DCC: variants seen among roughly 807,000 people sequenced by gnomAD.
The protein encoded by DCC is netrin receptor DCC.
A neutral mutation model predicts 172.5 loss-of-function variants in DCC; 58 were observed. The ratio of observed to expected loss-of-function variants is 0.34; its 90% CI spans 0.27 to 0.42. DCC has a LOEUF of 0.42. Among genes scored for constraint, DCC ranks in the 10% least tolerant of loss-of-function variants. DCC has a pLI of 1.00. For missense variants in DCC, 1,740 were observed against 1,791.0 expected (o/e 0.97, Z 0.51); for synonymous variants, 709 against 644.5 (o/e 1.10, Z -1.52).
At chr18:53,104,884 C>T (rs2043222610) in intron 7 of DCC, among the ~76,000 whole-genome samples, 1 of 151,954 alleles carries the variant, frequency 6.6e-6, no homozygotes, top group African/African-American at 2.4e-5. Flanking sequence ...GTGCAGTCTC[C>T]TAGAGAGGTT....
At chr18:53,070,578 A>G (rs1409372033) in intron 7 of DCC, among the ~76,000 whole-genome samples, 2 of 152,136 alleles carry the variant, frequency 1.3e-5, no homozygotes, top group South Asian at 2.1e-4. Context: ...ATGTGACCAT[A>G]AAGTGTCAAG....
At chr18:52,654,103 GTTGCACCATTAAGGTACCAAA>G (rs1490048200) in intron 1 of DCC, among the ~76,000 whole-genome samples, 7 of 152,248 alleles carry the variant, frequency 4.6e-5, no homozygotes, top group African/African-American at 1.2e-4. Context: ...GTAGTACCAG[GTTGCACCATTAAGGTACCAAA>G]TTCCTCACAT....
In DCC at chr18:53,459,219, C is replaced by A. The variant is rs760737456; in HGVS notation, c.3393-13C>A. 1.2e-6 allele frequency: 2 copies of A among 1,609,160 alleles called. No homozygotes were observed. Among genetic ancestry groups the A allele is most frequent in the South Asian group, 1.1e-5 (1 of 90,986 alleles). ...AGAGGTTCTCACATTTGCCTTCTAA[C>A]TTTGTTCCATAGGAAACGGGCCACC... On this transcript the variant is annotated splice_polypyrimidine_tract_variant and intron_variant, in intron 23 of 28. Coordinates refer to ENST00000442544, the MANE Select transcript of DCC (RefSeq NM_005215.4).
At chr18:53,201,288 A>G (rs969170895) in intron 9 of DCC, among the ~76,000 whole-genome samples, 3 of 152,186 alleles carry the variant, frequency 2.0e-5, no homozygotes, top group African/African-American at 4.8e-5. Flanking sequence ...AGATTGAGCC[A>G]TGTTCACAAC....
At chr18:52,677,087 C>T (rs896451892) in intron 1 of DCC, among the ~76,000 whole-genome samples, 6 of 152,136 alleles carry the variant, frequency 3.9e-5, no homozygotes, top group Non-Finnish European at 8.8e-5. Context: ...CAAATACATT[C>T]AGCCAACATT....
chr18:53,164,697 G>A (rs1383101280), intron 8 of DCC, among the ~76,000 whole-genome samples: 2 of 152,120 alleles, frequency 1.3e-5, no homozygotes, highest in Non-Finnish European at 2.9e-5. Context: ...TTGCTCTTTG[G>A]TGCACCCACA....
chr18:52,357,316 A>G (rs1442216894), intron 1 of DCC, among the ~76,000 whole-genome samples: 1 of 152,198 alleles, frequency 6.6e-6, no homozygotes, highest in Admixed American at 6.5e-5. Flanking sequence ...TTGGAGTGCC[A>G]GAAAGGAAGA....
In DCC at chr18:53,152,082, C is replaced by A. The variant is rs542713117; in HGVS notation, c.1262-5274C>A. Among the ~76,000 whole-genome samples, 3 of 152,182 alleles carry A rather than the reference C, an allele frequency of 2.0e-5. No individual in the cohort carries two copies. In the East Asian group the frequency reaches 5.8e-4, roughly 29 times the overall value. ...TTATTTCACTGACAATATCTAGTTA[C>A]ATATTATTTTTATTAAATGGTGAAG... On this transcript the variant is annotated intron_variant, in intron 7 of 28. Coordinates refer to ENST00000442544, the MANE Select transcript of DCC (RefSeq NM_005215.4).
intron 2 of DCC, among the ~76,000 whole-genome samples, chr18:52,827,857 G>T (rs572266214): frequency 6.6e-6 from 1 of 152,336 alleles, no homozygotes; most frequent in South Asian, 2.1e-4. Flanking sequence ...ACAAGTCCCA[G>T]TGGGGCTGGG....
intron 2 of DCC, among the ~76,000 whole-genome samples, chr18:52,900,319 A>G (rs2039792565): frequency 1.3e-5 from 2 of 152,222 alleles, no homozygotes; most frequent in Non-Finnish European, 2.9e-5. Context: ...AAAGTAACAT[A>G]TAAGTAGACT....
Position 52,973,139 on chromosome 18 carries a change from A to G in DCC, c.985+47769A>G, listed in dbSNP as rs201461624. ...GATAAATGAGTGATTGAATAGATGC[A>G]TTAGGTATCTTCAATTGGGTCTTTC... On this transcript the variant is annotated intron_variant, in intron 5 of 28. Coordinates refer to ENST00000442544, the MANE Select transcript of DCC (RefSeq NM_005215.4). Among the ~76,000 whole-genome samples the G allele has an allele frequency of 2.0e-5, 3 of 152,226 alleles. No individual in the cohort carries two copies. The East Asian group carries it at 5.8e-4, about 29-fold the overall frequency.
intron 21 of DCC, among the ~76,000 whole-genome samples, chr18:53,424,411 G>T (rs952402290): frequency 4.6e-5 from 7 of 152,124 alleles, no homozygotes; most frequent in African/African-American, 1.7e-4. Flanking sequence ...AGGAAGTATG[G>T]TTCCGTGGGT....
intron 5 of DCC, among the ~76,000 whole-genome samples, chr18:52,979,753 G>A (rs1476649379): frequency 7.9e-5 from 12 of 152,206 alleles, no homozygotes; most frequent in Non-Finnish European, 2.9e-5. Context: ...AACATATCCA[G>A]TCAGATTGGC....
At chr18:53,018,029 G>C (rs1416122005) in intron 5 of DCC, among the ~76,000 whole-genome samples, 1 of 152,114 alleles carries the variant, frequency 6.6e-6, no homozygotes, top group Non-Finnish European at 1.5e-5. Context: ...CTTGATCTTT[G>C]ATGTTAAATG....
At chr18:52,788,367 C>T (rs2037697670) in intron 2 of DCC, among the ~76,000 whole-genome samples, 1 of 152,104 alleles carries the variant, frequency 6.6e-6, no homozygotes, top group African/African-American at 2.4e-5. Context: ...AGCCTAGGAA[C>T]CAGACAGAAT....
chr18:52,983,360 T>C (rs1042094691), intron 5 of DCC, among the ~76,000 whole-genome samples: 9 of 152,152 alleles, frequency 5.9e-5, no homozygotes, highest in African/African-American at 2.2e-4. Flanking sequence ...AATATAAAAA[T>C]CCAAAAGTTG....
intron 1 of DCC, among the ~76,000 whole-genome samples, chr18:52,697,435 T>C (rs1216630462): frequency 6.6e-6 from 1 of 152,230 alleles, no homozygotes. Context: ...CTTATCTCTG[T>C]CACTGATATG....
At chr18:52,461,392 AAGT>A (rs1252233727) in intron 1 of DCC, among the ~76,000 whole-genome samples, 3 of 152,232 alleles carry the variant, frequency 2.0e-5, no homozygotes, top group African/African-American at 7.2e-5. Context: ...TTTTTTTAAC[AAGT>A]AGAAGTCATA....
At chr18:52,669,228 G>C (rs1179381483) in intron 1 of DCC, among the ~76,000 whole-genome samples, 1 of 152,160 alleles carries the variant, frequency 6.6e-6, no homozygotes, top group Non-Finnish European at 1.5e-5. Flanking sequence ...TCTTAGTGGT[G>C]CCAGCAGATC....
Sources: gnomAD v4.1 joint callset for allele counts (sites outside exome capture counted in the v4.1 genomes callset) on GRCh38, gnomAD v4.1.1 for gene constraint, MANE v1.5 for transcripts, NCBI Gene and HGNC (gene_info 2026-07-23, HGNC 2026-07-21) for gene names.